Variants in CAMTA1 observed in about 807,000 individuals in gnomAD.
The protein encoded by CAMTA1 is calmodulin-binding transcription activator 1.
In CAMTA1, 27 loss-of-function variants were observed where a neutral mutation model predicts 170.9. That is an observed-to-expected ratio of 0.16 (90% CI 0.12 to 0.22). The LOEUF (loss-of-function observed/expected upper bound fraction) is 0.22, where lower values mean the gene tolerates loss of function less well. Among genes scored for constraint, CAMTA1 ranks in the 10% least tolerant of loss-of-function variants. CAMTA1 has a pLI of 1.00. For synonymous variants in CAMTA1, 833 were observed against 891.5 expected, an observed-to-expected ratio of 0.93 and a Z score of 1.17; for missense variants, 1,619 against 2,217.2, an observed-to-expected ratio of 0.73 and a Z score of 5.42.
At chr1:7,431,500 G>A (rs1285778135) in intron 5 of CAMTA1, among the ~76,000 whole-genome samples, 1 of 152,180 alleles carries the variant, frequency 6.6e-6, no homozygotes, top group Non-Finnish European at 1.5e-5. Flanking sequence ...TGATCGCTGG[G>A]AAGAGCGTCC....
chr1:7,295,722 A>G (rs575947943), intron 5 of CAMTA1, among the ~76,000 whole-genome samples: 3 of 152,280 alleles, frequency 2.0e-5, no homozygotes, highest in African/African-American at 7.2e-5. Context: ...GAAAATATCC[A>G]CGCCCTTGTC....
chr1:7,288,712 C>G lies in CAMTA1; in HGVS notation c.438+39086C>G, dbSNP rs142074359. 4.6e-5 allele frequency among the ~76,000 whole-genome samples: 7 copies of G among 152,246 alleles called. No homozygotes were observed. The East Asian group carries it at 1.4e-3, about 29-fold the overall frequency. On this transcript the variant is annotated intron_variant, in intron 5 of 22. Coordinates refer to ENST00000303635, the MANE Select transcript of CAMTA1 (RefSeq NM_015215.4). ...GCAGTAACCGTGAGATCCCTGGTGC[C>G]CATGCAAAGCCCAAGAAGTGATGAG... is the stretch of plus-strand genomic sequence containing the variant.
At chr1:6,794,572 C>T (rs1402878043) in intron 1 of CAMTA1, among the ~76,000 whole-genome samples, 1 of 152,186 alleles carries the variant, frequency 6.6e-6, no homozygotes. Context: ...AATGTCCTTA[C>T]AGTTTTGTGC....
At chr1:7,594,138 AGAAG>A (rs1351307974) in intron 6 of CAMTA1, among the ~76,000 whole-genome samples, 3 of 149,528 alleles carry the variant, frequency 2.0e-5, no homozygotes, top group Non-Finnish European at 3.0e-5. Context: ...AAAGAAAGAA[AGAAG>A]GAAGGAAGGA....
chr1:7,706,957 G>A (rs544781897), intron 11 of CAMTA1, among the ~76,000 whole-genome samples: 1 of 150,376 alleles, frequency 6.6e-6, no homozygotes, highest in African/African-American at 2.5e-5. Context: ...CATGATCCCG[G>A]CTCACCACAA....
intron 4 of CAMTA1, among the ~76,000 whole-genome samples, chr1:7,126,692 T>C (rs148089993): frequency 3.9e-4 from 60 of 152,358 alleles, no homozygotes; most frequent in African/African-American, 1.4e-3. Flanking sequence ...ATCCAACCAA[T>C]GCATAGCTTG....
At chr1:6,817,994 G>A (rs900342752) in intron 1 of CAMTA1, among the ~76,000 whole-genome samples, 3 of 152,132 alleles carry the variant, frequency 2.0e-5, no homozygotes, top group Admixed American at 2.0e-4. Flanking sequence ...TAAGGGAGAG[G>A]AAAATTAATA....
chr1:7,554,680 C>A (rs1016110018), intron 6 of CAMTA1, among the ~76,000 whole-genome samples: 4 of 152,148 alleles, frequency 2.6e-5, no homozygotes, highest in African/African-American at 9.7e-5. Flanking sequence ...GACGATGTCC[C>A]TCCCACCCTC....
intron 4 of CAMTA1, among the ~76,000 whole-genome samples, chr1:7,239,586 T>C (rs965556457): frequency 3.3e-5 from 5 of 151,368 alleles, no homozygotes; most frequent in African/African-American, 7.3e-5. Flanking sequence ...CCTCTGCAGA[T>C]TGTAGAAAGT....
At chr1:7,737,918 G>A (rs371959192) in intron 15 of CAMTA1, 41 bp from the exon 16 acceptor site, 26 of 1,538,222 alleles carry the variant, frequency 1.7e-5, no homozygotes, top group Non-Finnish European at 2.2e-5. Flanking sequence ...ATTCCTAGTT[G>A]TATCTCCTGT....
chr1:7,657,000 G>A (rs184677899), intron 7 of CAMTA1, among the ~76,000 whole-genome samples: 57 of 152,318 alleles, frequency 3.7e-4, no homozygotes, highest in Admixed American at 1.0e-3. Context: ...CACAGGCCGC[G>A]CTGCAGGCAG....
chr1:7,034,097 C>G (rs1248499661), intron 3 of CAMTA1, among the ~76,000 whole-genome samples: 2 of 152,254 alleles, frequency 1.3e-5, no homozygotes, highest in East Asian at 3.9e-4. Flanking sequence ...GAAGATTTTA[C>G]TCTTGTTAGC....
At chr1:7,583,183 A>G (rs547891209) in intron 6 of CAMTA1, among the ~76,000 whole-genome samples, 3 of 152,238 alleles carry the variant, frequency 2.0e-5, no homozygotes, top group South Asian at 4.2e-4. Context: ...CAACCTGCCC[A>G]TCATCCTGGG....
chr1:7,666,460 C>A (rs2096002771), intron 9 of CAMTA1, among the ~76,000 whole-genome samples: 1 of 152,226 alleles, frequency 6.6e-6, no homozygotes, highest in Non-Finnish European at 1.5e-5. Flanking sequence ...AAGACCAAAG[C>A]ATCTTGCCTG....
intron 3 of CAMTA1, among the ~76,000 whole-genome samples, chr1:7,027,815 G>C (rs890265059): frequency 6.6e-6 from 1 of 152,140 alleles, no homozygotes; most frequent in Non-Finnish European, 1.5e-5. Context: ...TGGATACAAA[G>C]ACCCTTAGAC....
chr1:6,867,248 G>C (rs928644139), intron 3 of CAMTA1, among the ~76,000 whole-genome samples: 1 of 151,712 alleles, frequency 6.6e-6, no homozygotes, highest in African/African-American at 2.4e-5. Flanking sequence ...TGAAAGCTTT[G>C]ATGTTTTTAG....
intron 6 of CAMTA1, among the ~76,000 whole-genome samples, chr1:7,531,198 G>C (rs2094489199): frequency 6.6e-6 from 1 of 152,058 alleles, no homozygotes; most frequent in African/African-American, 2.4e-5. Context: ...GGGAAGGAGG[G>C]AAGGTGGGAA....
At chr1:7,364,172 G>A (rs2085783971) in intron 5 of CAMTA1, among the ~76,000 whole-genome samples, 1 of 152,202 alleles carries the variant, frequency 6.6e-6, no homozygotes, top group African/African-American at 2.4e-5. Context: ...CTTATCGAGT[G>A]CTGACTCTAT....
At chr1:6,813,530 G>T (rs1645430399) in intron 1 of CAMTA1, among the ~76,000 whole-genome samples, 1 of 145,704 alleles carries the variant, frequency 6.9e-6, no homozygotes, top group African/African-American at 2.5e-5. Flanking sequence ...CATATTCCTT[G>T]ATTTCTCAAA....
Sources: allele counts gnomAD v4.1 joint callset (sites outside exome capture counted in the v4.1 genomes callset), GRCh38; gene constraint gnomAD v4.1.1; transcripts MANE v1.5; gene names NCBI Gene and HGNC (gene_info 2026-07-23, HGNC 2026-07-21).